The following RALGAPA1 variants were observed in gnomAD, a reference collection of about 807,000 sequenced individuals.
The protein encoded by RALGAPA1 is Ral GTPase activating protein catalytic subunit alpha 1, also known as ral GTPase-activating protein subunit alpha-1.
RALGAPA1 carries 52 observed loss-of-function variants against 269.6 expected under a neutral mutation model. That is an observed-to-expected ratio of 0.19 (90% CI 0.15 to 0.24). The LOEUF is 0.24. Ranked by LOEUF, RALGAPA1 falls within the 10% of genes least tolerant of loss-of-function variation. The pLI, the probability that RALGAPA1 is intolerant of heterozygous loss-of-function variation, is 1.00. For missense variants in RALGAPA1, 1,917 were observed against 3,013.9 expected, an observed-to-expected ratio of 0.64 and a Z score of 8.52; for synonymous variants, 817 against 1,008.3, an observed-to-expected ratio of 0.81 and a Z score of 3.60.
intron 16 of RALGAPA1, among the ~76,000 whole-genome samples, chr14:35,718,739 C>A (rs1320101472): frequency 6.6e-6 from 1 of 151,978 alleles, no homozygotes; most frequent in Admixed American, 6.6e-5. Context: ...TTGCCTGAAC[C>A]TAGAAGTGGA....
At chr14:35,767,646 T>A (rs1463134425) in intron 4 of RALGAPA1, among the ~76,000 whole-genome samples, 1 of 151,984 alleles carries the variant, frequency 6.6e-6, no homozygotes, top group Non-Finnish European at 1.5e-5. Flanking sequence ...CAAGACAGCG[T>A]CACTGCACTC....
chr14:35,697,840 C>T (rs1163809196), intron 17 of RALGAPA1, among the ~76,000 whole-genome samples: 2 of 152,050 alleles, frequency 1.3e-5, no homozygotes, highest in African/African-American at 2.4e-5. Flanking sequence ...TTTAAAGTGA[C>T]AGGTTCCTTG....
In RALGAPA1 at chr14:35,697,656, GT is replaced by G. The variant is rs796270291; in HGVS notation, c.2407+2505del. On this transcript the variant is annotated intron_variant, in intron 17 of 41. Coordinates refer to ENST00000680220, the MANE Select transcript of RALGAPA1 (RefSeq NM_001346249.2). ...GCCACTGTGCCTGGCCAACAGTTTT[GT>G]TTTTTTTTTTAACAGGTTTTCTAAG... is the stretch of plus-strand genomic sequence containing the variant. Among the ~76,000 whole-genome samples, 60 of 144,228 alleles carry G rather than the reference GT, an allele frequency of 4.2e-4. 1 individual carries two copies. In the East Asian group the frequency reaches 8.4e-3, roughly 20 times the overall value. The allele number at this position is 144,228 out of a possible 152,430, so 94.6% of individuals were successfully genotyped here.
At chr14:35,685,393 A>G (rs1368014381) in intron 19 of RALGAPA1, among the ~76,000 whole-genome samples, 5 of 152,120 alleles carry the variant, frequency 3.3e-5, no homozygotes, top group African/African-American at 1.2e-4. Flanking sequence ...AGCAGGATCC[A>G]TGCAGTGAAT....
intron 11 of RALGAPA1, among the ~76,000 whole-genome samples, chr14:35,739,890 C>T (rs1038289414): frequency 5.9e-5 from 9 of 152,100 alleles, no homozygotes; most frequent in Admixed American, 2.0e-4. Flanking sequence ...TATTCAAAGG[C>T]TTTCCAGTTT....
At chr14:35,601,157 C>A (rs547315594) in intron 36 of RALGAPA1, among the ~76,000 whole-genome samples, 1 of 152,304 alleles carries the variant, frequency 6.6e-6, no homozygotes, top group South Asian at 2.1e-4. Flanking sequence ...GACCTCACTA[C>A]TGCTGGGTGA....
chr14:35,623,506 A>G (rs527512154), intron 35 of RALGAPA1, among the ~76,000 whole-genome samples: 46 of 152,202 alleles, frequency 3.0e-4, no homozygotes, highest in Non-Finnish European at 5.9e-4. Flanking sequence ...AGAAGAGAAA[A>G]AAAAATTAAA....
At chr14:35,706,788 TTTTGTA>T (rs2067849698) in intron 16 of RALGAPA1, 1 of 152,054 alleles carries the variant, frequency 6.6e-6, no homozygotes, top group Non-Finnish European at 1.5e-5. Context: ...TCCAACTAGT[TTTTGTA>T]TTTTTTGTAG....
At chr14:35,598,051 T>C (rs1428198938) in intron 36 of RALGAPA1, among the ~76,000 whole-genome samples, 1 of 152,214 alleles carries the variant, frequency 6.6e-6, no homozygotes, top group Non-Finnish European at 1.5e-5. Flanking sequence ...GTAGCTGCTG[T>C]TGTTGAATTC....
At chr14:35,630,179 T>C (rs2061268550) in intron 33 of RALGAPA1, among the ~76,000 whole-genome samples, 1 of 152,242 alleles carries the variant, frequency 6.6e-6, no homozygotes, top group Non-Finnish European at 1.5e-5. Flanking sequence ...ATAGTTTCCT[T>C]TGGGCTTTGG....
At chr14:35,570,874 T>G (rs1318138886) in intron 38 of RALGAPA1, 130 bp from the exon 39 acceptor site, 2 of 841,060 alleles carry the variant, frequency 2.4e-6, no homozygotes, top group South Asian at 2.1e-5. Flanking sequence ...AAAAATACTA[T>G]TTGAATTCAA....
intron 37 of RALGAPA1, among the ~76,000 whole-genome samples, chr14:35,574,036 T>C (rs889343031): frequency 2.6e-5 from 4 of 152,168 alleles, no homozygotes; most frequent in Non-Finnish European, 2.9e-5. Flanking sequence ...AATACTAAGC[T>C]CCAGGCTATA....
At chr14:35,587,047 C>G (rs1417565720) in intron 37 of RALGAPA1, among the ~76,000 whole-genome samples, 4 of 152,146 alleles carry the variant, frequency 2.6e-5, no homozygotes, top group Admixed American at 2.0e-4. Context: ...GTACCAGCTC[C>G]TCTTTGTACC....
chr14:35,608,591 TTAGAGA>T (rs1031441712), intron 35 of RALGAPA1, among the ~76,000 whole-genome samples: 2 of 152,178 alleles, frequency 1.3e-5, no homozygotes, highest in African/African-American at 4.8e-5. Context: ...ACAAAAAATG[TTAGAGA>T]TAGAGATATT....
At chr14:35,702,140 C>T (rs1382346197) in intron 16 of RALGAPA1, among the ~76,000 whole-genome samples, 1 of 152,190 alleles carries the variant, frequency 6.6e-6, no homozygotes, top group Non-Finnish European at 1.5e-5. Context: ...CTACTCCCTA[C>T]CACGTATAAG....
At chr14:35,597,727 C>A (rs1038252632) in intron 36 of RALGAPA1, among the ~76,000 whole-genome samples, 1 of 152,140 alleles carries the variant, frequency 6.6e-6, no homozygotes, top group Admixed American at 6.5e-5. Flanking sequence ...TAACCCCTGG[C>A]AATCACTCAC....
At chr14:35,765,775 C>A (rs1384235269) in intron 4 of RALGAPA1, 10 of 443,834 alleles carry the variant, frequency 2.3e-5, no homozygotes, top group Non-Finnish European at 3.7e-5. Flanking sequence ...GGATTACAGG[C>A]GTGAGCCACT....
chr14:35,570,573 A>T, intron 39 of RALGAPA1, 44 bp downstream of exon 39: 1 of 1,477,454 alleles, frequency 6.8e-7, no homozygotes, highest in Non-Finnish European at 9.1e-7. Context: ...CTTTGTGAGT[A>T]GACATACGTT....
At chr14:35,592,351 G>T (rs2058688673) in intron 37 of RALGAPA1, among the ~76,000 whole-genome samples, 1 of 152,132 alleles carries the variant, frequency 6.6e-6, no homozygotes, top group Non-Finnish European at 1.5e-5. Flanking sequence ...CAATAACAAA[G>T]AGATTGAAGA....
Sources: gnomAD v4.1 joint callset for allele counts (sites outside exome capture counted in the v4.1 genomes callset) on GRCh38, gnomAD v4.1.1 for gene constraint, MANE v1.5 for transcripts, NCBI Gene and HGNC (gene_info 2026-07-23, HGNC 2026-07-21) for gene names.